GPCPD1: variants seen among roughly 807,000 people sequenced by gnomAD.
GPCPD1 encodes the protein glycerophosphocholine phosphodiesterase GPCPD1.
GPCPD1 carries 29 observed loss-of-function variants against 89.2 expected under a neutral mutation model. That is an observed-to-expected ratio of 0.33 (90% confidence interval 0.24 to 0.44). The LOEUF (loss-of-function observed/expected upper bound fraction) is 0.44. Ranked by LOEUF, GPCPD1 falls within the 20% of genes least tolerant of loss-of-function variation. The pLI, the probability that GPCPD1 is intolerant of heterozygous loss-of-function variation, is 1.00. For synonymous variants in GPCPD1, 258 were observed against 266.3 expected (o/e 0.97, Z 0.30); for missense variants, 594 against 808.9 (o/e 0.73, Z 3.22).
At chr20:5,564,047 C>T (rs1262884281) in intron 15 of GPCPD1, among the ~76,000 whole-genome samples, 1 of 152,064 alleles carries the variant, frequency 6.6e-6, no homozygotes, top group Non-Finnish European at 1.5e-5. Context: ...CAGAAAAAGA[C>T]AACGAGAAAG....
intron 8 of GPCPD1, among the ~76,000 whole-genome samples, chr20:5,577,446 T>C (rs1978295793): frequency 6.8e-6 from 1 of 146,576 alleles, no homozygotes; most frequent in Non-Finnish European, 1.5e-5. Flanking sequence ...CCTGATCATG[T>C]CACTATACTC....
chr20:5,607,178 CCA>C (rs1356031661), intron 1 of GPCPD1, among the ~76,000 whole-genome samples: 1 of 151,938 alleles, frequency 6.6e-6, no homozygotes, highest in Non-Finnish European at 1.5e-5. Flanking sequence ...TCCCAGCTAC[CCA>C]GGAGGTTGAG....
intron 19 of GPCPD1, among the ~76,000 whole-genome samples, chr20:5,550,474 T>G (rs1985343822): frequency 6.6e-6 from 1 of 151,938 alleles, no homozygotes; most frequent in African/African-American, 2.4e-5. Flanking sequence ...ACTAAAAGGG[T>G]TACCAAGTGT....
chr20:5,580,344 G>A (rs1437069168), intron 6 of GPCPD1, among the ~76,000 whole-genome samples: 3 of 151,794 alleles, frequency 2.0e-5, no homozygotes, highest in African/African-American at 7.3e-5. Flanking sequence ...GGTGACAAAG[G>A]TAAAAATCTG....
chr20:5,553,844 G>T (rs911250333), intron 19 of GPCPD1, among the ~76,000 whole-genome samples: 1 of 152,230 alleles, frequency 6.6e-6, no homozygotes, highest in African/African-American at 2.4e-5. Context: ...TAAGGAAAAA[G>T]AAGCTGTCTC....
At chr20:5,561,429 G>A in intron 16 of GPCPD1, 36 bp downstream of exon 16, 1 of 1,140,670 alleles carries the variant, frequency 8.8e-7, no homozygotes. Flanking sequence ...GATAGGCATA[G>A]AGAGTATAGA....
rs11479995 is a variant in GPCPD1, at chr20:5,581,814, CTTTTTTTTTTTTT to C, written c.350-1696_350-1684del. Among the ~76,000 whole-genome samples, 147 of 75,030 alleles carry C rather than the reference CTTTTTTTTTTTTT, an allele frequency of 2.0e-3. 2 individuals carry two copies. Among genetic ancestry groups the C allele is most frequent in the African/African-American group, 7.3e-3 (95 of 13,088 alleles). The allele number at this position is 75,030 out of a possible 152,430, so 49.2% of individuals were successfully genotyped here. ...ATGCTTAATAATTGTGGGACTTTAA[CTTTTTTTTTTTTT>C]TTTTTTTTTTTTTTTTTTTTGCAGA... On this transcript the variant is annotated intron_variant, in intron 6 of 19. Transcript: ENST00000379019.
At chr20:5,549,275 T>G in intron 19 of GPCPD1, 1 of 866,454 alleles carries the variant, frequency 1.2e-6, no homozygotes, top group Admixed American at 1.8e-5. Flanking sequence ...TGATGATATA[T>G]GTGCAGCTGT....
intron 12 of GPCPD1, among the ~76,000 whole-genome samples, chr20:5,568,578 G>A (rs758942647): frequency 5.9e-5 from 9 of 152,104 alleles, no homozygotes; most frequent in South Asian, 2.1e-4. Flanking sequence ...TGGGGCATTA[G>A]TAATATTTGA....
chr20:5,603,155 C>T (rs564049590), intron 2 of GPCPD1, among the ~76,000 whole-genome samples: 11 of 151,548 alleles, frequency 7.3e-5, no homozygotes, highest in Non-Finnish European at 1.2e-4. Flanking sequence ...TAGCCAGGCA[C>T]GGTGATGGAC....
chr20:5,548,480 T>A (rs1310896656), intron 19 of GPCPD1: 1 of 152,268 alleles, frequency 6.6e-6, no homozygotes, highest in Non-Finnish European at 1.5e-5. Flanking sequence ...ATAAAAAATA[T>A]GGTGACTCTA....
chr20:5,560,023 CA>C lies in GPCPD1; in HGVS notation c.1448del (p.Leu483TrpfsTer3). On this transcript the variant is annotated frameshift_variant, in exon 17 of 20. Coordinates refer to ENST00000379019, the MANE Select transcript of GPCPD1 (RefSeq NM_019593.5). LOFTEE classifies it high-confidence loss of function. ...CTAAAACAGTTTTTAAAATTATATC[CA>C]AAAACAGATTCATGTCAAAATATGT... is the stretch of plus-strand genomic sequence containing the variant. ...LSTYFDMNLFLDIILKTVLEN... is the reference protein window; with the variant it reads ...LSTYFDMNLFXDIILKTVLEN... The C allele has an allele frequency of 1.9e-6, 3 of 1,575,374 alleles. No individual in the cohort carries two copies. The highest frequency in any genetic ancestry group is 2.6e-6 in the Non-Finnish European group (3 of 1,153,572).
chr20:5,565,840 A>G lies in GPCPD1; in HGVS notation c.1268-762T>C, dbSNP rs559590710. Among the ~76,000 whole-genome samples, 8 of 152,326 alleles carry G rather than the reference A, an allele frequency of 5.3e-5. No individual in the cohort carries two copies. The East Asian group carries it at 1.5e-3, about 29-fold the overall frequency. On this transcript the variant is annotated intron_variant, in intron 14 of 19. Transcript: ENST00000379019. Reference sequence around the variant, plus strand: ...CAGCAACTATTGTGCTTTTGTTATTATCAATTAATCAATATAGACTAAAAA... The same window carrying G: ...CAGCAACTATTGTGCTTTTGTTATTGTCAATTAATCAATATAGACTAAAAA...
chr20:5,575,288 C>A, intron 10 of GPCPD1, 125 bp downstream of exon 10: 1 of 713,618 alleles, frequency 1.4e-6, no homozygotes, highest in Non-Finnish European at 2.3e-6. Flanking sequence ...CCCCAATTAC[C>A]AAATTACACT....
At chr20:5,593,702 T>C (rs775575543) in intron 3 of GPCPD1, among the ~76,000 whole-genome samples, 4 of 151,874 alleles carry the variant, frequency 2.6e-5, no homozygotes, top group Non-Finnish European at 4.4e-5. Context: ...GGAAGGAAGG[T>C]TTTAATGAGG....
intron 19 of GPCPD1, among the ~76,000 whole-genome samples, chr20:5,553,373 G>C (rs1333549733): frequency 6.6e-6 from 1 of 151,976 alleles, no homozygotes; most frequent in Non-Finnish European, 1.5e-5. Flanking sequence ...CCTCTCCTCT[G>C]GCCTCCCTAT....
chr20:5,590,541 T>G (rs1979252119), intron 4 of GPCPD1, among the ~76,000 whole-genome samples: 1 of 15,596 alleles, frequency 6.4e-5, no homozygotes, highest in Non-Finnish European at 1.2e-4. Flanking sequence ...AGACTCTGTC[T>G]CAAAAAAAAA....
intron 15 of GPCPD1, among the ~76,000 whole-genome samples, chr20:5,562,717 C>T (rs1024832613): frequency 1.3e-5 from 2 of 152,158 alleles, no homozygotes; most frequent in African/African-American, 4.8e-5. Flanking sequence ...AGTCTGGTGA[C>T]CTGGCATCTA....
At chr20:5,584,377 G>T in intron 5 of GPCPD1, 55 bp from the exon 6 acceptor site, 1 of 746,190 alleles carries the variant, frequency 1.3e-6, no homozygotes, top group South Asian at 1.6e-5. Context: ...CATACCCAGT[G>T]AACAACTGAG....
Sources: gnomAD v4.1 joint callset for allele counts (sites outside exome capture counted in the v4.1 genomes callset) on GRCh38, gnomAD v4.1.1 for gene constraint, MANE v1.5 for transcripts, NCBI Gene and HGNC (gene_info 2026-07-23, HGNC 2026-07-21) for gene names.